Variants in SPAG16 observed in about 807,000 individuals in gnomAD.
SPAG16 encodes sperm-associated antigen 16 protein.
A neutral mutation model predicts 80.4 loss-of-function variants in SPAG16; 86 were observed. The observed-to-expected ratio is 1.07, with a 90% CI of 0.90 to 1.28. SPAG16 has a LOEUF of 1.28. Among genes scored for constraint, SPAG16 ranks in the 50% most tolerant of loss-of-function variants. SPAG16 has a pLI of 0.00. For synonymous variants in SPAG16, 294 were observed against 265.9 expected (o/e 1.11, Z -1.03); for missense variants, 870 against 765.3 (o/e 1.14, Z -1.61).
intron 15 of SPAG16, among the ~76,000 whole-genome samples, chr2:214,395,321 A>G (rs1057501987): frequency 2.0e-5 from 3 of 152,196 alleles, no homozygotes; most frequent in African/African-American, 7.2e-5. Context: ...TTGCATCCTC[A>G]CCAGCAAGGA....
chr2:213,337,989 A>G (rs762642908), intron 5 of SPAG16, among the ~76,000 whole-genome samples: 9 of 152,196 alleles, frequency 5.9e-5, no homozygotes, highest in Non-Finnish European at 1.0e-4. Flanking sequence ...CAGGTCACCT[A>G]TAAAGGGAAG....
At chr2:213,954,042 G>T (rs1482535123) in intron 12 of SPAG16, among the ~76,000 whole-genome samples, 1 of 151,796 alleles carries the variant, frequency 6.6e-6, no homozygotes, top group African/African-American at 2.4e-5. Flanking sequence ...AGTATTTTTA[G>T]TACATTCAGA....
intron 9 of SPAG16, among the ~76,000 whole-genome samples, chr2:213,387,501 GTGGA>G: frequency 7.0e-4 from 1 of 1,430 alleles, no homozygotes; most frequent in African/African-American, 7.3e-4. Context: ...GGAGTGCAGT[GTGGA>G]GTGCAGTGGC....
intron 10 of SPAG16, among the ~76,000 whole-genome samples, chr2:213,780,571 C>CTTTTTTTTTTTTTTTTT (rs367744311): frequency 1.6e-5 from 2 of 124,618 alleles, no homozygotes; most frequent in African/African-American, 3.0e-5. Flanking sequence ...TCTTTTCTTT[C>CTTTTTTTTTTTTTTTTT]TTTTTTTTTT....
chr2:213,294,041 T>C (rs2062402850), intron 1 of SPAG16, among the ~76,000 whole-genome samples: 1 of 152,210 alleles, frequency 6.6e-6, no homozygotes. Context: ...CTTCATCTTA[T>C]AACTGAATGT....
chr2:214,248,955 A>G (rs1388120367), intron 15 of SPAG16, among the ~76,000 whole-genome samples: 3 of 152,182 alleles, frequency 2.0e-5, no homozygotes, highest in Admixed American at 6.6e-5. Context: ...AAAAGTTTTA[A>G]GGCAAGAATA....
At chr2:213,466,024 C>T (rs2072672230) in intron 9 of SPAG16, among the ~76,000 whole-genome samples, 1 of 152,196 alleles carries the variant, frequency 6.6e-6, no homozygotes, top group African/African-American at 2.4e-5. Flanking sequence ...AGAATAAAAG[C>T]AGACAGAAGA....
At chr2:213,950,558 C>A (rs893984066) in intron 12 of SPAG16, among the ~76,000 whole-genome samples, 4 of 152,018 alleles carry the variant, frequency 2.6e-5, no homozygotes, top group Non-Finnish European at 5.9e-5. Context: ...TCTAAATTGC[C>A]TTTGTACTTT....
chr2:213,805,990 T>C (rs1330070366), intron 10 of SPAG16, among the ~76,000 whole-genome samples: 1 of 152,130 alleles, frequency 6.6e-6, no homozygotes, highest in African/African-American at 2.4e-5. Flanking sequence ...TCTTGAAAAT[T>C]AGATATGCTG....
intron 14 of SPAG16, among the ~76,000 whole-genome samples, chr2:214,148,547 C>T (rs2055779112): frequency 6.6e-6 from 1 of 152,166 alleles, no homozygotes; most frequent in East Asian, 1.9e-4. Flanking sequence ...GGCACCATTT[C>T]ATTGCCATCA....
intron 9 of SPAG16, among the ~76,000 whole-genome samples, chr2:213,445,332 G>C (rs939586378): frequency 6.6e-6 from 1 of 152,154 alleles, no homozygotes; most frequent in African/African-American, 2.4e-5. Flanking sequence ...AATCTGATTA[G>C]AAAATGGACA....
At chr2:213,866,002 G>C (rs1038706133) in intron 11 of SPAG16, among the ~76,000 whole-genome samples, 6 of 150,476 alleles carry the variant, frequency 4.0e-5, no homozygotes, top group Non-Finnish European at 5.9e-5. Flanking sequence ...CATTCTCAAT[G>C]CTAAATCAAG....
chr2:213,482,979 A>C (rs2073824196), intron 9 of SPAG16, among the ~76,000 whole-genome samples: 1 of 152,186 alleles, frequency 6.6e-6, no homozygotes, highest in South Asian at 2.1e-4. Flanking sequence ...ATGAATACAA[A>C]ATATTATAAA....
chr2:214,171,109 C>T (rs1443272642), intron 15 of SPAG16, among the ~76,000 whole-genome samples: 1 of 151,856 alleles, frequency 6.6e-6, no homozygotes, highest in African/African-American at 2.4e-5. Flanking sequence ...TTTGTGACTC[C>T]TTAACCTTGG....
At chr2:213,980,622 A>G (rs970891137) in intron 12 of SPAG16, among the ~76,000 whole-genome samples, 2 of 144,768 alleles carry the variant, frequency 1.4e-5, no homozygotes, top group Admixed American at 7.1e-5. Flanking sequence ...ATGTATATAT[A>G]TAGAATATAT....
chr2:213,641,607 G>T (rs963487749), intron 10 of SPAG16, among the ~76,000 whole-genome samples: 1 of 152,306 alleles, frequency 6.6e-6, no homozygotes, highest in Admixed American at 6.5e-5. Flanking sequence ...CCTGAAGATT[G>T]GGCATGCCTA....
At chr2:214,396,427 T>G (rs1701385612) in intron 15 of SPAG16, among the ~76,000 whole-genome samples, 1 of 152,194 alleles carries the variant, frequency 6.6e-6, no homozygotes, top group Non-Finnish European at 1.5e-5. Context: ...TTGAGTTCTA[T>G]GTATAAGAAA....
chr2:213,815,692 T>G (rs1259918238), intron 10 of SPAG16, among the ~76,000 whole-genome samples: 1 of 152,060 alleles, frequency 6.6e-6, no homozygotes, highest in Non-Finnish European at 1.5e-5. Flanking sequence ...TAATGGCACA[T>G]GTTCACTAAC....
At chr2:214,054,805 A>G (rs565163509) in intron 13 of SPAG16, among the ~76,000 whole-genome samples, 1 of 152,312 alleles carries the variant, frequency 6.6e-6, no homozygotes, top group South Asian at 2.1e-4. Context: ...AATGGTAGCA[A>G]TGTTGCAGTT....
Sources: allele counts gnomAD v4.1 joint callset (sites outside exome capture counted in the v4.1 genomes callset), GRCh38; gene constraint gnomAD v4.1.1; transcripts MANE v1.5; gene names NCBI Gene and HGNC (gene_info 2026-07-23, HGNC 2026-07-21).